The following MSI2 variants were observed in gnomAD, a reference collection of about 807,000 sequenced individuals.
The protein encoded by MSI2 is RNA-binding protein Musashi homolog 2.
A neutral mutation model predicts 45.6 loss-of-function variants in MSI2; 17 were observed. The observed-to-expected ratio is 0.37, with a 90% CI of 0.26 to 0.56. MSI2 has a LOEUF of 0.56. Among genes scored for constraint, MSI2 ranks in the 20% least tolerant of loss-of-function variants. The probability of loss-of-function intolerance (pLI) is 0.77; values close to 1 mark genes in which losing one functional copy is unlikely to be tolerated. For synonymous variants in MSI2, 156 were observed against 158.2 expected (o/e 0.99, Z 0.11); for missense variants, 293 against 444.2 (o/e 0.66, Z 3.06).
chr17:57,396,561 A>T (rs1277470307), intron 5 of MSI2, among the ~76,000 whole-genome samples: 1 of 152,254 alleles, frequency 6.6e-6, no homozygotes, highest in African/African-American at 2.4e-5. Flanking sequence ...CTCTCTGTTT[A>T]GAGGCAGGGA....
intron 7 of MSI2, among the ~76,000 whole-genome samples, chr17:57,546,020 G>A (rs1246302126): frequency 6.6e-6 from 1 of 152,206 alleles, no homozygotes; most frequent in Non-Finnish European, 1.5e-5. Context: ...CAGCCGAGGG[G>A]CAGCTGCTGG....
intron 5 of MSI2, among the ~76,000 whole-genome samples, chr17:57,295,109 T>C (rs935128397): frequency 1.2e-4 from 18 of 152,270 alleles, no homozygotes; most frequent in African/African-American, 3.6e-4. Context: ...ATGGGGGGAA[T>C]GTGCCCACCC....
chr17:57,598,726 G>A (rs1483746653), intron 8 of MSI2, among the ~76,000 whole-genome samples: 4 of 151,912 alleles, frequency 2.6e-5, no homozygotes, highest in African/African-American at 4.8e-5. Flanking sequence ...GCAGTGGCAC[G>A]ATCTCGGCTC....
rs375276971 is a variant in MSI2, at chr17:57,310,253, A to G, written c.312+48061A>G. Among the ~76,000 whole-genome samples the G allele has an allele frequency of 7.9e-5, 12 of 152,176 alleles. No individual in the cohort carries two copies. In the East Asian group the frequency reaches 1.5e-3, roughly 20 times the overall value. ...GCACATTGCCTGTCTTCCTAAAGGC[A>G]TCGGTGCACAGGGCACCTGGGAATG... On this transcript the variant is annotated intron_variant, in intron 5 of 13. Coordinates refer to ENST00000284073, the MANE Select transcript of MSI2 (RefSeq NM_138962.4).
At position 57,673,108 on chromosome 17, in the gene MSI2, C is replaced by G. The variant is rs535021123; in HGVS notation, c.791-1864C>G. On this transcript the variant is annotated intron_variant, in intron 11 of 13. Coordinates refer to ENST00000284073, the MANE Select transcript of MSI2 (RefSeq NM_138962.4). The stretch of plus-strand genomic sequence containing the variant: ...CATCTGGAGGCTTCAGTTCTGTTTT[C>G]TCTGCTGAGTCAGGAGCCAGGCCCA... Among the ~76,000 whole-genome samples, 3 of 152,362 alleles carry G rather than the reference C, an allele frequency of 2.0e-5. No individual in the cohort carries two copies. In the East Asian group the frequency reaches 5.8e-4, roughly 29 times the overall value.
Position 57,256,792 on chromosome 17 carries a change from A to C in MSI2, c.50A>C (p.Gln17Pro), listed in dbSNP as rs1906764091. ...ACCTCGGGCAGCGCCAACGACTCCC[A>C]GCACGACCCCGGGTAAGTTTCCAGC... ...QGTSGSANDS[Q>P]HDPGKMFIGG... The change falls in exon 1 of 14, where the codon CAG becomes CCG. Residue 17 changes from glutamine to proline, a missense_variant. By Grantham distance (76) the Gln-to-Pro change is moderately conservative. Coordinates refer to ENST00000284073, the MANE Select transcript of MSI2 (RefSeq NM_138962.4). The C allele has an allele frequency of 6.8e-7, 1 of 1,477,964 alleles. No homozygotes were observed. The highest frequency in any genetic ancestry group is 9.0e-7 in the Non-Finnish European group (1 of 1,116,518). 91.6% of individuals were successfully genotyped at this position (1,477,964 alleles called of 1,614,324 possible). A position where few individuals can be genotyped will look rare whatever the true frequency, so the allele number is the denominator to read the frequency against.
intron 6 of MSI2, among the ~76,000 whole-genome samples, chr17:57,413,902 C>T (rs1247839401): frequency 3.3e-5 from 5 of 151,930 alleles, no homozygotes; most frequent in Admixed American, 1.3e-4. Flanking sequence ...TACAGCCTCA[C>T]GCATCATTCA....
At chr17:57,276,374 T>C (rs1388527712) in intron 5 of MSI2, among the ~76,000 whole-genome samples, 1 of 152,196 alleles carries the variant, frequency 6.6e-6, no homozygotes, top group Non-Finnish European at 1.5e-5. Context: ...TCATCCAAGG[T>C]TTTCTGAGCA....
At chr17:57,591,014 G>A (rs372048050) in intron 7 of MSI2, among the ~76,000 whole-genome samples, 4 of 152,266 alleles carry the variant, frequency 2.6e-5, no homozygotes, top group African/African-American at 7.2e-5. Flanking sequence ...TCACAGACTC[G>A]CCATAGACTA....
chr17:57,693,539 C>G, the MSI2 span, among the ~76,000 whole-genome samples: 8 of 152,134 alleles, frequency 5.3e-5, no homozygotes, highest in Non-Finnish European at 1.2e-4. Flanking sequence ...ACTTTTTTCT[C>G]CTAGCATTTC....
chr17:57,307,714 T>C (rs897164077), intron 5 of MSI2, among the ~76,000 whole-genome samples: 1 of 152,200 alleles, frequency 6.6e-6, no homozygotes, highest in Non-Finnish European at 1.5e-5. Flanking sequence ...CTTGGGATTA[T>C]AGGCATGAGC....
At chr17:57,649,115 C>T (rs1225569265) in intron 10 of MSI2, among the ~76,000 whole-genome samples, 1 of 152,170 alleles carries the variant, frequency 6.6e-6, no homozygotes. Context: ...AGCTGGGGTG[C>T]CCCTAGTCCA....
At chr17:57,515,748 A>G (rs895141781) in intron 6 of MSI2, among the ~76,000 whole-genome samples, 5 of 152,300 alleles carry the variant, frequency 3.3e-5, no homozygotes, top group Middle Eastern at 3.4e-3. Flanking sequence ...TACAAGAAAC[A>G]GATAAGGGAT....
chr17:57,455,262 G>A (rs970617894), intron 6 of MSI2, among the ~76,000 whole-genome samples: 10 of 152,324 alleles, frequency 6.6e-5, no homozygotes, highest in South Asian at 6.2e-4. Context: ...TTTGTGGTCA[G>A]CCTCTGAATA....
intron 6 of MSI2, among the ~76,000 whole-genome samples, chr17:57,421,772 G>T (rs527584400): frequency 6.6e-6 from 1 of 152,102 alleles, no homozygotes; most frequent in Non-Finnish European, 1.5e-5. Flanking sequence ...CAGGAGGGTC[G>T]CTTGAGCCCA....
chr17:57,319,512 C>A (rs1913147175), intron 5 of MSI2, among the ~76,000 whole-genome samples: 1 of 152,210 alleles, frequency 6.6e-6, no homozygotes, highest in African/African-American at 2.4e-5. Context: ...GTGTTAGATT[C>A]AATCAAATAT....
At chr17:57,545,532 T>C (rs4793869) in intron 7 of MSI2, among the ~76,000 whole-genome samples, 88,406 of 152,108 alleles carry the variant, frequency 0.58, 27,648 homozygotes, top group African/African-American at 0.83. Flanking sequence ...TGGAAACTTC[T>C]GTGTGTGTGT....
chr17:57,270,190 T>C (rs1908226891), intron 5 of MSI2, among the ~76,000 whole-genome samples: 1 of 152,206 alleles, frequency 6.6e-6, no homozygotes, highest in African/African-American at 2.4e-5. Context: ...ATTGTGAGTT[T>C]ATATGTTATA....
intron 5 of MSI2, among the ~76,000 whole-genome samples, chr17:57,333,361 TC>T (rs2143742771): frequency 6.6e-6 from 1 of 152,088 alleles, no homozygotes; most frequent in East Asian, 1.9e-4. Flanking sequence ...TCCTCTTCTC[TC>T]CCATTCTCCC....
Sources: gnomAD v4.1 joint callset for allele counts (sites outside exome capture counted in the v4.1 genomes callset) on GRCh38, gnomAD v4.1.1 for gene constraint, MANE v1.5 for transcripts, NCBI Gene and HGNC (gene_info 2026-07-23, HGNC 2026-07-21) for gene names.